Variants in KLHL4 observed in about 807,000 individuals in gnomAD.
KLHL4 encodes the protein kelch-like protein 4.
KLHL4 carries 17 observed loss-of-function variants against 45.8 expected under a neutral mutation model. That is an observed-to-expected ratio of 0.37 (90% CI 0.25 to 0.56). KLHL4 has a LOEUF of 0.56. Among genes scored for constraint, KLHL4 ranks in the 20% least tolerant of loss-of-function variants. The probability of loss-of-function intolerance (pLI) is 0.79; values close to 1 mark genes in which losing one functional copy is unlikely to be tolerated. For missense variants in KLHL4, 544 were observed against 544.9 expected (o/e 1.00, Z 0.02); for synonymous variants, 224 against 189.9 (o/e 1.18, Z -1.47).
intron 1 of KLHL4, among the ~76,000 whole-genome samples, chrX:87,593,948 TTA>T (rs1291165058): frequency 8.9e-6 from 1 of 112,277 alleles, no homozygotes; most frequent in Non-Finnish European, 1.9e-5. Flanking sequence ...TGAATTCATT[TTA>T]TACAGGCAAC....
Position 87,669,531 on chromosome X carries a change from C to T in KLHL4, c.*2997C>T. The T allele has an allele frequency of 1.3e-6, 1 of 752,865 alleles. No homozygotes were observed. Among genetic ancestry groups the T allele is most frequent in the Non-Finnish European group, 1.8e-6 (1 of 549,356 alleles). The allele number at this position is 752,865 out of a possible 1,213,427, so 62.0% of individuals were successfully genotyped here. A position where few individuals can be genotyped will look rare whatever the true frequency, so the allele number is the denominator to read the frequency against. On this transcript the variant is annotated 3_prime_UTR_variant, in exon 11 of 11. Transcript: ENST00000373119. ...CCAAATGCAATATAGAAAAAAAAAC[C>T]CTGTGACTCTGGATTTTATTTTAAG...
intron 1 of KLHL4, among the ~76,000 whole-genome samples, chrX:87,606,284 G>A (rs1407944059): frequency 9.0e-6 from 1 of 110,780 alleles, no homozygotes; most frequent in African/African-American, 3.3e-5. Context: ...ATTAGTTTGA[G>A]GATGATTGGT....
chrX:87,623,875 T>C (rs889700542), intron 5 of KLHL4, among the ~76,000 whole-genome samples: 2 of 111,954 alleles, frequency 1.8e-5, no homozygotes, highest in African/African-American at 6.5e-5. Context: ...ATATGTATTA[T>C]TTTCAAGAAA....
At chrX:87,602,618 T>C (rs893865555) in intron 1 of KLHL4, among the ~76,000 whole-genome samples, 9 of 111,914 alleles carry the variant, frequency 8.0e-5, no homozygotes, top group Non-Finnish European at 1.7e-4. Context: ...TAGTAGGTTA[T>C]ATCATGTAGG....
At chrX:87,631,455 C>A (rs1220229925) in intron 6 of KLHL4, among the ~76,000 whole-genome samples, 3 of 112,090 alleles carry the variant, frequency 2.7e-5, no homozygotes, top group Non-Finnish European at 5.6e-5. Flanking sequence ...TTTCTCTCTA[C>A]CTCTTGTATC....
intron 1 of KLHL4, among the ~76,000 whole-genome samples, chrX:87,582,315 G>A (rs58157467): frequency 1.8e-3 from 206 of 111,710 alleles, no homozygotes; most frequent in African/African-American, 6.4e-3. Context: ...GTCTGGAATC[G>A]CGGATGCCAC....
intron 6 of KLHL4, among the ~76,000 whole-genome samples, chrX:87,628,283 G>A (rs1922996238): frequency 9.1e-6 from 1 of 110,457 alleles, no homozygotes; most frequent in African/African-American, 3.3e-5. Context: ...ATTCAAATAT[G>A]ATGTTCCTTT....
chrX:87,603,320 G>A (rs758234696), intron 1 of KLHL4, among the ~76,000 whole-genome samples: 2 of 111,389 alleles, frequency 1.8e-5, no homozygotes, highest in South Asian at 7.4e-4. Flanking sequence ...GATAAATTAA[G>A]GGTCTGAAAC....
intron 9 of KLHL4, among the ~76,000 whole-genome samples, chrX:87,641,219 G>T (rs1441883716): frequency 8.9e-6 from 1 of 112,043 alleles, no homozygotes; most frequent in Non-Finnish European, 1.9e-5. Flanking sequence ...CAAGTTCTGT[G>T]AGTGGCCCAA....
intron 9 of KLHL4, among the ~76,000 whole-genome samples, chrX:87,640,293 A>T (rs747162749): frequency 8.9e-6 from 1 of 111,914 alleles, no homozygotes; most frequent in South Asian, 3.7e-4. Flanking sequence ...TGATACTAAA[A>T]CTATTCCAAA....
At chrX:87,574,894 T>C (rs908302034) in intron 1 of KLHL4, among the ~76,000 whole-genome samples, 1 of 112,011 alleles carries the variant, frequency 8.9e-6, no homozygotes, top group Non-Finnish European at 1.9e-5. Context: ...GTGTAAAACA[T>C]TCTCATGCAT....
At chrX:87,661,249 G>T (rs746469647) in intron 9 of KLHL4, among the ~76,000 whole-genome samples, 2 of 111,303 alleles carry the variant, frequency 1.8e-5, no homozygotes, top group African/African-American at 6.5e-5. Flanking sequence ...GGGGCTTCGT[G>T]GTAAAACTTA....
chrX:87,619,519 A>G (rs1400744345), intron 4 of KLHL4, among the ~76,000 whole-genome samples: 1 of 111,748 alleles, frequency 8.9e-6, no homozygotes, highest in Non-Finnish European at 1.9e-5. Flanking sequence ...TACAGATGCC[A>G]TATAATCTAA....
Position 87,565,338 on chromosome X carries a change from T to C in KLHL4, c.422+47023T>C, listed in dbSNP as rs764833122. Among the ~76,000 whole-genome samples the C allele has an allele frequency of 5.4e-5, 6 of 111,819 alleles. No homozygotes were observed. In the East Asian group the frequency reaches 1.4e-3, roughly 26 times the overall value. On this transcript the variant is annotated intron_variant, in intron 1 of 10. Coordinates refer to ENST00000373119, the MANE Select transcript of KLHL4 (RefSeq NM_019117.5). Reference sequence around the variant, plus strand: ...GAGAATAGAAAAATAATAGACTCAATTGAACTAAAATTTACTTCTTTAAAA... The same window carrying C: ...GAGAATAGAAAAATAATAGACTCAACTGAACTAAAATTTACTTCTTTAAAA...
rs199870160 is a variant in KLHL4 at position 87,518,107 on chromosome X, A to G, written c.214A>G (p.Asn72Asp). The change falls in exon 1 of 11, where the codon AAT (asparagine) becomes GAT (aspartate). Residue 72 changes from asparagine to aspartate, a missense_variant. Coordinates refer to ENST00000373119, the MANE Select transcript of KLHL4 (RefSeq NM_019117.5). ...GAAAAGCAACAGTCCTGTCCACCAC[A>G]ATATACTGGCACCAGTGCCAGGACC... ...LKKSNSPVHHNILAPVPGPAP... is the reference protein window; with the variant it reads ...LKKSNSPVHHDILAPVPGPAP... 76 of 1,210,117 alleles carry G rather than the reference A, an allele frequency of 6.3e-5. No individual in the cohort carries two copies. The highest frequency in any genetic ancestry group is 8.4e-5 in the Non-Finnish European group (75 of 895,255).
intron 9 of KLHL4, among the ~76,000 whole-genome samples, chrX:87,655,720 A>G (rs998724598): frequency 9.0e-6 from 1 of 111,497 alleles, no homozygotes; most frequent in Admixed American, 9.6e-5. Context: ...TTCCTGTCAT[A>G]ATATTAATTG....
At chrX:87,563,606 CAA>C (rs760968363) in intron 1 of KLHL4, among the ~76,000 whole-genome samples, 10 of 60,249 alleles carry the variant, frequency 1.7e-4, no homozygotes, top group Non-Finnish European at 1.4e-4. Flanking sequence ...CCAAAGGAGA[CAA>C]AAAAAAAAAA....
chrX:87,616,388 A>C (rs1418719988), intron 3 of KLHL4, among the ~76,000 whole-genome samples: 1 of 111,610 alleles, frequency 9.0e-6, no homozygotes, highest in Non-Finnish European at 1.9e-5. Flanking sequence ...ATATTCCCTA[A>C]ATTTTCATTA....
At chrX:87,635,498 A>G in intron 8 of KLHL4, 65 bp from the exon 9 acceptor site, 1 of 846,474 alleles carries the variant, frequency 1.2e-6, no homozygotes, top group Non-Finnish European at 1.7e-6. Flanking sequence ...CATTCTATGC[A>G]TGCATTTTGT....
Sources: allele counts gnomAD v4.1 joint callset (sites outside exome capture counted in the v4.1 genomes callset), GRCh38; gene constraint gnomAD v4.1.1; transcripts MANE v1.5; gene names NCBI Gene and HGNC (gene_info 2026-07-23, HGNC 2026-07-21).